Variants in NXPE4 observed in about 807,000 individuals in gnomAD.
The protein encoded by NXPE4 is NXPE family member 4.
A neutral mutation model predicts 33.3 loss-of-function variants in NXPE4; 42 were observed. That is an observed-to-expected ratio of 1.26 (90% CI 0.98 to 1.63). The LOEUF (loss-of-function observed/expected upper bound fraction) is 1.63, where lower values mean the gene tolerates loss of function less well. NXPE4 is among the 40% of genes most tolerant of loss of function. NXPE4 has a pLI of 0.00. For synonymous variants in NXPE4, 253 were observed against 234.9 expected (o/e 1.08, Z -0.71); for missense variants, 709 against 647.6 (o/e 1.09, Z -1.03).
chr11:114,582,517 T>C lies in NXPE4; in HGVS notation c.601A>G (p.Arg201Gly), dbSNP rs1240806797. The C allele has an allele frequency of 6.2e-7, 1 of 1,614,064 alleles. No homozygotes were observed. The highest frequency in any genetic ancestry group is 1.3e-5 in the African/African-American group (1 of 74,936). ...LWSARNQGYD[R>G]VIFTGQFVNG... ...ACAAACTGGCCAGTGAAGATCACCC[T>C]GTCATAGCCTTGGTTCCTTGCACTC... Residue 201 changes from arginine (R) to glycine (G), a missense_variant, in exon 3 of 6, where the codon AGG becomes GGG. Coordinates refer to ENST00000375478, the MANE Select transcript of NXPE4 (RefSeq NM_001077639.2).
intron 2 of NXPE4, 62 bp from the exon 3 acceptor site, chr11:114,583,083 A>T: frequency 6.6e-7 from 1 of 1,510,646 alleles, no homozygotes; most frequent in Non-Finnish European, 8.9e-7. Context: ...AACTGAAATG[A>T]CAGGAAGTGT....
At chr11:114,662,912 T>C in the NXPE4 span, among the ~76,000 whole-genome samples, 3 of 152,280 alleles carry the variant, frequency 2.0e-5, no homozygotes, top group African/African-American at 7.2e-5. Flanking sequence ...AGGTACTATA[T>C]TGAGGGCCTT....
upstream of NXPE4, among the ~76,000 whole-genome samples, chr11:114,600,403 C>T (rs1032733671): frequency 1.3e-5 from 2 of 152,044 alleles, no homozygotes; most frequent in African/African-American, 4.8e-5. Flanking sequence ...CCTTCATTTA[C>T]CAAATAATCT....
upstream of NXPE4, among the ~76,000 whole-genome samples, chr11:114,597,589 C>A (rs1949589205): frequency 6.6e-6 from 1 of 152,148 alleles, no homozygotes; most frequent in Non-Finnish European, 1.5e-5. Context: ...GCCCTAGAAG[C>A]AATGACACCT....
At chr11:114,666,535 A>G in the NXPE4 span, among the ~76,000 whole-genome samples, 3 of 152,086 alleles carry the variant, frequency 2.0e-5, no homozygotes, top group Non-Finnish European at 4.4e-5. Context: ...TCTTTTTTTC[A>G]GAAATGGTAA....
chr11:114,590,573 CA>C (rs1220866165), intron 2 of NXPE4, among the ~76,000 whole-genome samples: 3 of 152,210 alleles, frequency 2.0e-5, no homozygotes, highest in African/African-American at 7.2e-5. Flanking sequence ...CCAGTGAAAG[CA>C]AGCCTTACTT....
chr11:114,589,131 G>C (rs1330956997), intron 2 of NXPE4, among the ~76,000 whole-genome samples: 2 of 152,100 alleles, frequency 1.3e-5, no homozygotes, highest in African/African-American at 4.8e-5. Context: ...AGGATATCCA[G>C]GAAGCAAGAA....
the NXPE4 span, among the ~76,000 whole-genome samples, chr11:114,634,733 T>A: frequency 6.6e-6 from 1 of 152,046 alleles, no homozygotes; most frequent in Non-Finnish European, 1.5e-5. Flanking sequence ...ACTTTCCCCA[T>A]TGCTTGTTTT....
chr11:114,675,902 C>T, the NXPE4 span, among the ~76,000 whole-genome samples: 1 of 151,778 alleles, frequency 6.6e-6, no homozygotes, highest in Non-Finnish European at 1.5e-5. Flanking sequence ...AAAACAGACA[C>T]ATAGAAGAAT....
At chr11:114,603,164 A>G in the NXPE4 span, among the ~76,000 whole-genome samples, 1 of 148,538 alleles carries the variant, frequency 6.7e-6, no homozygotes, top group Non-Finnish European at 1.5e-5. Flanking sequence ...CTAGGTAACT[A>G]CTATTACCTG....
chr11:114,607,131 G>T, the NXPE4 span, among the ~76,000 whole-genome samples: 1 of 151,332 alleles, frequency 6.6e-6, no homozygotes, highest in Non-Finnish European at 1.5e-5. Context: ...TATAATAAGT[G>T]TTGCCTCTTG....
chr11:114,598,550 GTCTC>G (rs1565341981), upstream of NXPE4, among the ~76,000 whole-genome samples: 4 of 152,348 alleles, frequency 2.6e-5, no homozygotes, highest in East Asian at 7.7e-4. Flanking sequence ...TCTAAGTAGA[GTCTC>G]TCAAGCCTCA....
chr11:114,643,878 A>C, the NXPE4 span, among the ~76,000 whole-genome samples: 2 of 152,078 alleles, frequency 1.3e-5, no homozygotes, highest in African/African-American at 4.8e-5. Flanking sequence ...CATGATATTA[A>C]TTCTTCCTAT....
intron 5 of NXPE4, among the ~76,000 whole-genome samples, chr11:114,578,502 G>C (rs916664885): frequency 1.3e-5 from 2 of 152,150 alleles, no homozygotes; most frequent in Non-Finnish European, 2.9e-5. Flanking sequence ...TAGGAGTTTA[G>C]TCATTTACCA....
the NXPE4 span, among the ~76,000 whole-genome samples, chr11:114,607,159 A>T: frequency 1.3e-5 from 2 of 150,368 alleles, no homozygotes; most frequent in East Asian, 4.0e-4. Context: ...AGTATTACCC[A>T]CTGGATAATC....
intron 2 of NXPE4, among the ~76,000 whole-genome samples, chr11:114,591,878 C>A (rs1049429966): frequency 6.6e-6 from 1 of 152,022 alleles, no homozygotes; most frequent in Non-Finnish European, 1.5e-5. Flanking sequence ...ATATTATGTC[C>A]CTAATTTTTT....
the NXPE4 span, among the ~76,000 whole-genome samples, chr11:114,664,400 T>A: frequency 2.6e-5 from 4 of 152,246 alleles, no homozygotes; most frequent in African/African-American, 9.6e-5. Context: ...TTATTCTCTA[T>A]CTTGATTGTG....
At chr11:114,579,527 T>C (rs887229504) in intron 5 of NXPE4, among the ~76,000 whole-genome samples, 1 of 152,242 alleles carries the variant, frequency 6.6e-6, no homozygotes, top group East Asian at 1.9e-4. Context: ...GTCTACCTGA[T>C]GCAAAGTCTA....
the NXPE4 span, among the ~76,000 whole-genome samples, chr11:114,633,544 T>A: frequency 3.3e-5 from 5 of 151,572 alleles, no homozygotes; most frequent in Non-Finnish European, 7.4e-5. Flanking sequence ...ACATGTGCCA[T>A]GCTTGTGTGC....
Sources: allele counts gnomAD v4.1 joint callset (sites outside exome capture counted in the v4.1 genomes callset), GRCh38; gene constraint gnomAD v4.1.1; transcripts MANE v1.5; gene names NCBI Gene and HGNC (gene_info 2026-07-23, HGNC 2026-07-21).